Variants in SLC30A7 observed in about 807,000 individuals in gnomAD.
SLC30A7 encodes the protein zinc transporter 7.
Under a neutral mutation model 46.0 loss-of-function variants are expected in SLC30A7, and 35 were observed. The observed-to-expected ratio is 0.76, with a 90% CI of 0.58 to 1.01. The LOEUF (loss-of-function observed/expected upper bound fraction) is 1.01. SLC30A7 is among the 50% of genes least tolerant of loss of function. The pLI is 0.00. For missense variants in SLC30A7, 464 were observed against 451.1 expected (o/e 1.03, Z -0.26); for synonymous variants, 147 against 157.8 (o/e 0.93, Z 0.51).
At chr1:100,945,781 G>A (rs959378014) in intron 8 of SLC30A7, among the ~76,000 whole-genome samples, 3 of 152,078 alleles carry the variant, frequency 2.0e-5, no homozygotes, top group Non-Finnish European at 4.4e-5. Flanking sequence ...CTCTTTTTTG[G>A]TTCCATATGG....
intron 8 of SLC30A7, among the ~76,000 whole-genome samples, chr1:100,938,575 C>T (rs1179635098): frequency 6.6e-6 from 1 of 152,162 alleles, no homozygotes; most frequent in African/African-American, 2.4e-5. Context: ...AGAGTCTGGG[C>T]ACAGCTTAGT....
At position 100,979,355 on chromosome 1, in the gene SLC30A7, A is replaced by G. The variant is rs1656772391; in HGVS notation, c.*4498A>G. On this transcript the variant is annotated 3_prime_UTR_variant, in exon 11 of 11. Coordinates refer to ENST00000357650, the MANE Select transcript of SLC30A7 (RefSeq NM_133496.5). ...ATTCATTGGAAGGCTTGTTGAAGAC[A>G]TGATCCCCCAGAAGCCTTAGTGACC... The G allele has an allele frequency of 6.6e-6, 1 of 150,438 alleles. No individual in the cohort carries two copies. The highest frequency in any genetic ancestry group is 2.4e-5 in the African/African-American group (1 of 41,054). 9.3% of individuals were successfully genotyped at this position (150,438 alleles called of 1,614,324 possible).
chr1:100,940,097 C>T (rs1012056672), intron 8 of SLC30A7, among the ~76,000 whole-genome samples: 2 of 152,100 alleles, frequency 1.3e-5, no homozygotes, highest in Admixed American at 1.3e-4. Flanking sequence ...ACTAATGGAG[C>T]AGATTAGGAG....
intron 8 of SLC30A7, among the ~76,000 whole-genome samples, chr1:100,945,258 T>C (rs1282157186): frequency 6.6e-6 from 1 of 152,250 alleles, no homozygotes; most frequent in African/African-American, 2.4e-5. Flanking sequence ...CTGACGGTAG[T>C]TTCTTTTGCT....
rs1018372315 is a variant in SLC30A7 at position 100,934,004 on chromosome 1, C to T, written c.842+12163C>T. Among the ~76,000 whole-genome samples, 10 of 152,148 alleles carry T rather than the reference C, an allele frequency of 6.6e-5. No individual in the cohort carries two copies. The East Asian group carries it at 7.7e-4, about 12-fold the overall frequency. On this transcript the variant is annotated intron_variant, in intron 8 of 10. Transcript: ENST00000357650. ...GGCATAGTGTATCTCTATATACATACGTGTACATACCAGTACATGAGCATA... is the reference window on the plus strand; with the variant it reads ...GGCATAGTGTATCTCTATATACATATGTGTACATACCAGTACATGAGCATA...
chr1:100,915,201 C>CTT (rs1217270683), intron 6 of SLC30A7, among the ~76,000 whole-genome samples: 125 of 95,558 alleles, frequency 1.3e-3, no homozygotes, highest in Non-Finnish European at 2.2e-3. Flanking sequence ...TCTTTTCTTT[C>CTT]TTTCTTTCTT....
chr1:100,965,452 A>C (rs1655809078), intron 9 of SLC30A7, among the ~76,000 whole-genome samples: 1 of 152,170 alleles, frequency 6.6e-6, no homozygotes, highest in African/African-American at 2.4e-5. Flanking sequence ...TCCTTCTAAT[A>C]GTTTTTTTCC....
In SLC30A7 at chr1:100,964,479, A is replaced by G. The variant is rs151154768; in HGVS notation, c.934-1290A>G. 1.8e-3 allele frequency among the ~76,000 whole-genome samples: 268 copies of G among 151,254 alleles called. 1 individual carries two copies. Among genetic ancestry groups the G allele is most frequent in the African/African-American group, 6.2e-3 (254 of 41,038 alleles). On this transcript the variant is annotated intron_variant, in intron 9 of 10. Coordinates refer to ENST00000357650, the MANE Select transcript of SLC30A7 (RefSeq NM_133496.5). ...GGGTGAGTATCGTCTTCCTTTCCCTAGGTAAAATTGAGGCTCACCTTAGGT... is the reference window on the plus strand; with the variant it reads ...GGGTGAGTATCGTCTTCCTTTCCCTGGGTAAAATTGAGGCTCACCTTAGGT...
chr1:100,994,854 G>A, the SLC30A7 span, among the ~76,000 whole-genome samples: 1 of 152,086 alleles, frequency 6.6e-6, no homozygotes, highest in African/African-American at 2.4e-5. Flanking sequence ...GAATCCCAAC[G>A]CATTAATTCA....
intron 8 of SLC30A7, among the ~76,000 whole-genome samples, chr1:100,955,882 C>T (rs544597299): frequency 1.3e-5 from 2 of 152,086 alleles, no homozygotes; most frequent in African/African-American, 4.8e-5. Context: ...TATTCTCTAC[C>T]ATAGTTTTAT....
intron 6 of SLC30A7, among the ~76,000 whole-genome samples, chr1:100,915,198 TTTCTTTCTTTCTTTCTTTC>T (rs1557981130): frequency 3.2e-5 from 2 of 61,720 alleles, no homozygotes; most frequent in Admixed American, 1.8e-4. Flanking sequence ...CTTTCTTTTC[TTTCTTTCTTTCTTTCTTTC>T]TTTCTTTCTT....
chr1:100,913,751 TG>T lies in SLC30A7; in HGVS notation c.602del (p.Gly201ValfsTer23). 6.2e-7 allele frequency: 1 copy of T among 1,613,976 alleles called. No individual in the cohort carries two copies. Among genetic ancestry groups the T allele is most frequent in the Non-Finnish European group, 8.5e-7 (1 of 1,179,872 alleles). On this transcript the variant is annotated frameshift_variant, in exon 6 of 11. Coordinates refer to ENST00000357650, the MANE Select transcript of SLC30A7 (RefSeq NM_133496.5). LOFTEE classifies it high-confidence loss of function. ...DHCHSHEVKH[G>X]AAHSHDHAHG... ...ATTGCCATAGCCATGAAGTGAAACA[TG>T]GTGCTGCACATAGCCATGATCATGC... is the stretch of plus-strand genomic sequence containing the variant.
At chr1:100,995,072 A>G in the SLC30A7 span, 2 of 1,459,840 alleles carry the variant, frequency 1.4e-6, no homozygotes. Context: ...GTTCAAGGAA[A>G]TAAAACACAT....
chr1:100,973,252 A>G (rs1656258264), intron 10 of SLC30A7, among the ~76,000 whole-genome samples: 1 of 152,220 alleles, frequency 6.6e-6, no homozygotes, highest in African/African-American at 2.4e-5. Context: ...TGCTTTGAGG[A>G]GTCCAGAAAT....
intron 8 of SLC30A7, among the ~76,000 whole-genome samples, chr1:100,923,638 C>T (rs1195707997): frequency 6.6e-6 from 1 of 152,066 alleles, no homozygotes; most frequent in Non-Finnish European, 1.5e-5. Flanking sequence ...ATTAGCTGGG[C>T]ATGGTGGTTG....
At chr1:100,943,535 C>T (rs1654467996) in intron 8 of SLC30A7, among the ~76,000 whole-genome samples, 2 of 152,184 alleles carry the variant, frequency 1.3e-5, no homozygotes, top group South Asian at 4.1e-4. Flanking sequence ...ACTTAACCTT[C>T]AGCCGCTCTC....
At chr1:100,982,927 G>A (rs1657031831), downstream of SLC30A7, among the ~76,000 whole-genome samples, 1 of 152,172 alleles carries the variant, frequency 6.6e-6, no homozygotes, top group African/African-American at 2.4e-5. Context: ...CTACAGAGCA[G>A]CCTCTTCTGT....
intron 8 of SLC30A7, among the ~76,000 whole-genome samples, chr1:100,937,517 G>A (rs988309049): frequency 5.3e-5 from 8 of 152,150 alleles, no homozygotes; most frequent in African/African-American, 1.9e-4. Flanking sequence ...ACCCATTAAC[G>A]TAATGCGTAT....
At chr1:100,905,547 T>C (rs1028447168) in intron 2 of SLC30A7, among the ~76,000 whole-genome samples, 7 of 152,148 alleles carry the variant, frequency 4.6e-5, no homozygotes, top group African/African-American at 1.7e-4. Flanking sequence ...TTTAGTATGT[T>C]TGATACGTCC....
Sources: allele counts gnomAD v4.1 joint callset (sites outside exome capture counted in the v4.1 genomes callset), GRCh38; gene constraint gnomAD v4.1.1; transcripts MANE v1.5; gene names NCBI Gene and HGNC (gene_info 2026-07-23, HGNC 2026-07-21).